SLC39A8: variants seen among roughly 807,000 people sequenced by gnomAD.
SLC39A8 encodes solute carrier family 39 member 8, also known as metal cation symporter ZIP8.
In SLC39A8, 15 loss-of-function variants were observed where a neutral mutation model predicts 40.4. The ratio of observed to expected loss-of-function variants is 0.37; its 90% confidence interval spans 0.25 to 0.57. The LOEUF is 0.57. SLC39A8 is among the 20% of genes least tolerant of loss of function. The pLI is 0.75. For synonymous variants in SLC39A8, 223 were observed against 221.6 expected (o/e 1.01, Z -0.06); for missense variants, 472 against 558.8 (o/e 0.84, Z 1.57).
intron 3 of SLC39A8, among the ~76,000 whole-genome samples, chr4:102,308,026 G>T (rs1396355958): frequency 2.0e-5 from 3 of 151,900 alleles, no homozygotes; most frequent in African/African-American, 7.2e-5. Context: ...AAAGGTATGG[G>T]GTGATGGGTG....
At chr4:102,314,550 C>T (rs1421869905) in intron 3 of SLC39A8, among the ~76,000 whole-genome samples, 1 of 152,112 alleles carries the variant, frequency 6.6e-6, no homozygotes, top group Non-Finnish European at 1.5e-5. Context: ...CCCACCAACT[C>T]ACTAGGCTCC....
chr4:102,325,090 T>C (rs1260097465), intron 2 of SLC39A8, among the ~76,000 whole-genome samples: 1 of 152,070 alleles, frequency 6.6e-6, no homozygotes, highest in Non-Finnish European at 1.5e-5. Flanking sequence ...TATACATATA[T>C]ATATGTATAC....
At chr4:102,282,147 T>A (rs1222570616) in intron 6 of SLC39A8, among the ~76,000 whole-genome samples, 1 of 152,210 alleles carries the variant, frequency 6.6e-6, no homozygotes, top group East Asian at 1.9e-4. Flanking sequence ...TGAGCCTCCA[T>A]GCCAAAGAAG....
intron 6 of SLC39A8, among the ~76,000 whole-genome samples, chr4:102,286,493 T>C (rs1733185363): frequency 6.6e-6 from 1 of 152,116 alleles, no homozygotes; most frequent in African/African-American, 2.4e-5. Context: ...GATGCACTTT[T>C]ATTGCTTTCC....
At chr4:102,293,980 T>C (rs1342833070) in intron 6 of SLC39A8, among the ~76,000 whole-genome samples, 36 of 151,174 alleles carry the variant, frequency 2.4e-4, no homozygotes, top group Admixed American at 2.4e-3. Context: ...ACATACAAAC[T>C]TGATACACGG....
intron 6 of SLC39A8, among the ~76,000 whole-genome samples, chr4:102,295,228 TAAA>T (rs772952433): frequency 4.0e-5 from 6 of 149,884 alleles, no homozygotes; most frequent in Non-Finnish European, 8.9e-5. Context: ...AAGAAAAACC[TAAA>T]AGTCTACAGA....
intron 6 of SLC39A8, among the ~76,000 whole-genome samples, chr4:102,296,304 G>C (rs1212958661): frequency 6.7e-6 from 1 of 149,602 alleles, no homozygotes; most frequent in African/African-American, 2.5e-5. Flanking sequence ...GATTCAAACA[G>C]CTATGTGGTT....
At chr4:102,259,510 A>G (rs1233511307), downstream of SLC39A8, 1 of 1,543,558 alleles carries the variant, frequency 6.5e-7, no homozygotes, top group South Asian at 1.2e-5. Flanking sequence ...AGCCCATTTG[A>G]TTATCTACAA....
downstream of SLC39A8, among the ~76,000 whole-genome samples, chr4:102,256,725 C>A (rs1731717873): frequency 6.6e-6 from 1 of 152,156 alleles, no homozygotes; most frequent in African/African-American, 2.4e-5. Context: ...CTTCTCCTGC[C>A]AAATTCACAC....
intron 2 of SLC39A8, among the ~76,000 whole-genome samples, chr4:102,332,711 G>T (rs528143515): frequency 6.6e-6 from 1 of 152,310 alleles, no homozygotes; most frequent in African/African-American, 2.4e-5. Flanking sequence ...AAAGACACAT[G>T]AACACATATG....
chr4:102,328,189 ACCTATTCCATTT>A (rs1735299386), intron 2 of SLC39A8, among the ~76,000 whole-genome samples: 1 of 152,112 alleles, frequency 6.6e-6, no homozygotes, highest in Non-Finnish European at 1.5e-5. Flanking sequence ...ATGCATGAAT[ACCTATTCCATTT>A]CCTCACCTCT....
chr4:102,304,205 A>T (rs1449049980), intron 6 of SLC39A8, 112 bp downstream of exon 6: 1 of 716,706 alleles, frequency 1.4e-6, no homozygotes, highest in African/African-American at 1.8e-5. Context: ...CATATATAGG[A>T]ATAAGTCTGA....
intron 2 of SLC39A8, among the ~76,000 whole-genome samples, chr4:102,329,248 A>G (rs1386507783): frequency 1.3e-5 from 2 of 152,146 alleles, no homozygotes; most frequent in African/African-American, 4.8e-5. Flanking sequence ...TGCCGTAAAT[A>G]CCAGGCAAAT....
intron 3 of SLC39A8, 46 bp downstream of exon 3, chr4:102,315,622 G>A: frequency 6.5e-7 from 1 of 1,541,758 alleles, no homozygotes. Flanking sequence ...TTTCACAATG[G>A]TTCATAGACT....
At chr4:102,313,796 C>T (rs977532454) in intron 3 of SLC39A8, among the ~76,000 whole-genome samples, 3 of 151,906 alleles carry the variant, frequency 2.0e-5, no homozygotes, top group African/African-American at 4.8e-5. Context: ...ACTATGTTTC[C>T]CAGGCTGGTG....
At chr4:102,321,825 T>A (rs1490980679) in intron 2 of SLC39A8, among the ~76,000 whole-genome samples, 2 of 152,072 alleles carry the variant, frequency 1.3e-5, no homozygotes, top group Admixed American at 6.5e-5. Flanking sequence ...TGCAATGAGG[T>A]CATAGCTGAG....
intron 3 of SLC39A8, among the ~76,000 whole-genome samples, chr4:102,312,663 G>A (rs774201429): frequency 8.5e-5 from 13 of 152,086 alleles, no homozygotes; most frequent in Non-Finnish European, 1.3e-4. Flanking sequence ...AGTTATGCAC[G>A]TTAGATGTAG....
chr4:102,272,396 AG>A (rs1732402930), intron 6 of SLC39A8, among the ~76,000 whole-genome samples: 1 of 151,642 alleles, frequency 6.6e-6, no homozygotes, highest in Non-Finnish European at 1.5e-5. Flanking sequence ...CCGAGATCGC[AG>A]TGAGCCGAGC....
At chr4:102,281,757 C>A (rs63519) in intron 6 of SLC39A8, among the ~76,000 whole-genome samples, 25,465 of 152,112 alleles carry the variant, frequency 0.17, 2,520 homozygotes, top group Non-Finnish European at 0.23. Context: ...TGTCTCTACT[C>A]TGTACATGGA....
Sources: gnomAD v4.1 joint callset for allele counts (sites outside exome capture counted in the v4.1 genomes callset) on GRCh38, gnomAD v4.1.1 for gene constraint, MANE v1.5 for transcripts, NCBI Gene and HGNC (gene_info 2026-07-23, HGNC 2026-07-21) for gene names.